Variants in GNB1 observed in about 807,000 individuals in gnomAD.
GNB1 encodes G protein subunit beta 1.
A neutral mutation model predicts 42.9 loss-of-function variants in GNB1; 2 were observed. The ratio of observed to expected loss-of-function variants is 0.05; its 90% CI spans 0.02 to 0.15. The LOEUF (loss-of-function observed/expected upper bound fraction) is 0.15. Ranked by LOEUF, GNB1 falls within the 10% of genes least tolerant of loss-of-function variation. The pLI is 1.00. For missense variants in GNB1, 193 were observed against 462.2 expected, an observed-to-expected ratio of 0.42 and a Z score of 5.34; for synonymous variants, 183 against 174.7, an observed-to-expected ratio of 1.05 and a Z score of -0.38.
At chr1:1,808,337 G>C (rs1385596021) in intron 5 of GNB1, among the ~76,000 whole-genome samples, 2 of 152,106 alleles carry the variant, frequency 1.3e-5, no homozygotes, top group Non-Finnish European at 1.5e-5. Flanking sequence ...TCCTTGCTCT[G>C]GCAACTGTGC....
At position 1,816,644 on chromosome 1, in the gene GNB1, CTT is replaced by C. The variant is rs59065707; in HGVS notation, c.97-784_97-783del. 3.9e-3 allele frequency among the ~76,000 whole-genome samples: 420 copies of C among 108,614 alleles called. 4 individuals carry two copies. The highest frequency in any genetic ancestry group is 0.011 in the South Asian group (35 of 3,204). The allele number at this position is 108,614 out of a possible 152,430, so 71.3% of individuals were successfully genotyped here. On this transcript the variant is annotated intron_variant, in intron 4 of 11. Coordinates refer to ENST00000378609, the MANE Select transcript of GNB1 (RefSeq NM_002074.5). ...ATTATTTGGACTTTATTTTTATTAT[CTT>C]TTTTTTTTTTTTTTTTTTTTAAGAT...
chr1:1,846,213 A>T (rs920642789), intron 1 of GNB1, among the ~76,000 whole-genome samples: 34 of 144,416 alleles, frequency 2.4e-4, no homozygotes, highest in African/African-American at 3.4e-4. Context: ...CATATAAATT[A>T]AAAAAAAAAA....
intron 1 of GNB1, among the ~76,000 whole-genome samples, chr1:1,842,829 C>G (rs1216357385): frequency 6.6e-6 from 1 of 152,244 alleles, no homozygotes; most frequent in Admixed American, 6.5e-5. Flanking sequence ...AAAAGGCACA[C>G]AGGAGTAAAC....
chr1:1,790,946 C>T lies in GNB1; in HGVS notation c.498-350G>A, dbSNP rs1368230042. Among the ~76,000 whole-genome samples, 1 of 152,100 alleles carries T rather than the reference C, an allele frequency of 6.6e-6. No homozygotes were observed. Among genetic ancestry groups the T allele is most frequent in the Non-Finnish European group, 1.5e-5 (1 of 68,022 alleles). On this transcript the variant is annotated intron_variant, in intron 8 of 11. Coordinates refer to ENST00000378609, the MANE Select transcript of GNB1 (RefSeq NM_002074.5). The surrounding 1 kb of genome is among the most constrained non-coding windows in gnomAD (Gnocchi z 5.4). ...TCATGGATGGGCATGGAAGGGGTGGCAGGAAGCTACGTGGAGGCCCTGGAT... is the reference window on the plus strand; with the variant it reads ...TCATGGATGGGCATGGAAGGGGTGGTAGGAAGCTACGTGGAGGCCCTGGAT...
At chr1:1,828,650 CT>C (rs1647031513) in intron 2 of GNB1, among the ~76,000 whole-genome samples, 1 of 152,284 alleles carries the variant, frequency 6.6e-6, no homozygotes, top group African/African-American at 2.4e-5. Flanking sequence ...AGACGGACTT[CT>C]TTTTCATAGT....
chr1:1,874,179 C>T (rs763390743), intron 1 of GNB1, among the ~76,000 whole-genome samples: 13 of 152,176 alleles, frequency 8.5e-5, no homozygotes, highest in African/African-American at 2.2e-4. Flanking sequence ...ATAAACACAA[C>T]GCGCCTCCTG....
At chr1:1,795,731 C>A (rs1325843293) in intron 7 of GNB1, among the ~76,000 whole-genome samples, 1 of 146,128 alleles carries the variant, frequency 6.8e-6, no homozygotes, top group Non-Finnish European at 1.5e-5. Context: ...CCAGCCTGGG[C>A]AACAGAGTGA....
chr1:1,848,992 G>T (rs1423029671), intron 1 of GNB1, among the ~76,000 whole-genome samples: 2 of 152,196 alleles, frequency 1.3e-5, no homozygotes, highest in African/African-American at 4.8e-5. Flanking sequence ...GAGATGAGCT[G>T]ACTCAAGATA....
In GNB1 at chr1:1,828,732, C is replaced by T. The variant is rs373390995; in HGVS notation, c.-46-3233G>A. Among the ~76,000 whole-genome samples, 12 of 152,184 alleles carry T rather than the reference C, an allele frequency of 7.9e-5. 1 individual carries two copies. Among genetic ancestry groups the T allele is most frequent in the Admixed American group, 2.6e-4 (4 of 15,272 alleles). On this transcript the variant is annotated intron_variant, in intron 2 of 11. Coordinates refer to ENST00000378609, the MANE Select transcript of GNB1 (RefSeq NM_002074.5). ...TTTCAATTCAGAGACTCAAAACCTA[C>T]GTTTGTCAATTTTTTTTAAAAAGGC...
At chr1:1,869,718 A>C (rs1166508965) in intron 1 of GNB1, among the ~76,000 whole-genome samples, 1 of 152,186 alleles carries the variant, frequency 6.6e-6, no homozygotes, top group Non-Finnish European at 1.5e-5. Context: ...ACCCCGAAAG[A>C]AAGTCTCTGA....
chr1:1,833,672 G>A (rs370210703), intron 2 of GNB1, among the ~76,000 whole-genome samples: 1 of 152,188 alleles, frequency 6.6e-6, no homozygotes, highest in East Asian at 1.9e-4. Context: ...CACTGCGAAC[G>A]GGTGAAGTGT....
At chr1:1,816,003 T>C in intron 4 of GNB1, 141 bp from the exon 5 acceptor site, 1 of 652,942 alleles carries the variant, frequency 1.5e-6, no homozygotes, top group Non-Finnish European at 2.8e-6. Flanking sequence ...TGGCTTCCAC[T>C]GTGGCATTCT....
intron 2 of GNB1, among the ~76,000 whole-genome samples, chr1:1,832,053 G>C (rs1647082980): frequency 7.9e-6 from 1 of 127,156 alleles, no homozygotes; most frequent in Non-Finnish European, 1.6e-5. Context: ...CATGGAGTGA[G>C]ACCTTGTCTC....
intron 5 of GNB1, among the ~76,000 whole-genome samples, chr1:1,815,458 G>A (rs960040449): frequency 6.6e-6 from 1 of 152,200 alleles, no homozygotes; most frequent in Non-Finnish European, 1.5e-5. Flanking sequence ...AGTAGAACTG[G>A]GAAGACAGAG....
chr1:1,883,289 A>AAAAAAG (rs983123595), intron 1 of GNB1, among the ~76,000 whole-genome samples: 1 of 151,840 alleles, frequency 6.6e-6, no homozygotes, highest in Non-Finnish European at 1.5e-5. Flanking sequence ...AAAAAAAAAA[A>AAAAAAG]AAAAAGAAAA....
At chr1:1,820,136 C>G (rs1434194258) in intron 3 of GNB1, among the ~76,000 whole-genome samples, 1 of 152,052 alleles carries the variant, frequency 6.6e-6, no homozygotes, top group Non-Finnish European at 1.5e-5. Context: ...GTGGGTGGAT[C>G]ACCTGAGGTC....
chr1:1,855,494 G>T (rs1298379047), intron 1 of GNB1, among the ~76,000 whole-genome samples: 1 of 151,970 alleles, frequency 6.6e-6, no homozygotes, highest in Non-Finnish European at 1.5e-5. Context: ...AAGGTCAGGA[G>T]ATCAAGACCA....
At chr1:1,870,705 T>C (rs1413113527) in intron 1 of GNB1, among the ~76,000 whole-genome samples, 1 of 152,150 alleles carries the variant, frequency 6.6e-6, no homozygotes, top group African/African-American at 2.4e-5. Context: ...GAGGCAGAGG[T>C]GAGTGGATTA....
chr1:1,803,870 T>C (rs1014338474), intron 7 of GNB1, among the ~76,000 whole-genome samples: 11 of 149,826 alleles, frequency 7.3e-5, no homozygotes, highest in Admixed American at 2.0e-4. Flanking sequence ...TGGTCCCAGC[T>C]ACTTGGGAGG....
Sources: gnomAD v4.1 joint callset for allele counts (sites outside exome capture counted in the v4.1 genomes callset) on GRCh38, gnomAD v4.1.1 for gene constraint, Gnocchi (gnomAD v3.1) non-coding constraint, MANE v1.5 for transcripts, NCBI Gene and HGNC (gene_info 2026-07-23, HGNC 2026-07-21) for gene names.